The following GSE1 variants were observed in gnomAD, a reference collection of about 807,000 sequenced individuals.
GSE1 encodes genetic suppressor element 1.
Under a neutral mutation model 112.6 loss-of-function variants are expected in GSE1, and 32 were observed. The ratio of observed to expected loss-of-function variants is 0.28; its 90% CI spans 0.21 to 0.38. The LOEUF (loss-of-function observed/expected upper bound fraction) is 0.38. Among genes scored for constraint, GSE1 ranks in the 10% least tolerant of loss-of-function variants. The pLI is 1.00. For missense variants in GSE1, 2,348 were observed against 1,699.2 expected (o/e 1.38, Z -6.71); for synonymous variants, 1,115 against 735.6 (o/e 1.52, Z -8.35).
Position 85,304,449 on chromosome 16 carries a change from G to A in GSE1, c.2284-53014G>A, listed in dbSNP as rs570034474. 1.6e-4 allele frequency among the ~76,000 whole-genome samples: 24 copies of A among 152,350 alleles called. No homozygotes were observed. The South Asian group carries it at 4.8e-3, about 30-fold the overall frequency. The stretch of plus-strand genomic sequence containing the variant: ...CTCCTGGGCATTGTGGGTGAGGCAG[G>A]GTAGCCCGCCCGCCAGGGGCAGTGC... On this transcript the variant is annotated intron_variant, in intron 1 of 2. Transcript: ENST00000637419.
intron 1 of GSE1, among the ~76,000 whole-genome samples, chr16:85,239,788 T>A (rs1258849105): frequency 1.3e-5 from 2 of 152,196 alleles, no homozygotes; most frequent in East Asian, 3.9e-4. Flanking sequence ...TCAATAGAAA[T>A]CTCTTCTCCA....
chr16:85,477,142 G>A (rs1398139963), intron 2 of GSE1, among the ~76,000 whole-genome samples: 1 of 152,096 alleles, frequency 6.6e-6, no homozygotes, highest in Non-Finnish European at 1.5e-5. Context: ...TGGCCAGGGT[G>A]GTCGGGTGAT....
At chr16:85,350,391 G>C (rs1438672240) in intron 1 of GSE1, among the ~76,000 whole-genome samples, 1 of 152,126 alleles carries the variant, frequency 6.6e-6, no homozygotes. Flanking sequence ...GGTGAGCCCT[G>C]TTCTCCTGAC....
At chr16:85,612,298 C>T (rs976355558), upstream of GSE1, among the ~76,000 whole-genome samples, 1 of 152,020 alleles carries the variant, frequency 6.6e-6, no homozygotes, top group Admixed American at 6.5e-5. Flanking sequence ...AGGCTGGGGC[C>T]TTCAGTCCCT....
At chr16:85,253,036 G>A (rs1351151873) in intron 1 of GSE1, among the ~76,000 whole-genome samples, 1 of 140,898 alleles carries the variant, frequency 7.1e-6, no homozygotes, top group Non-Finnish European at 1.5e-5. Flanking sequence ...CAGCCAGGCG[G>A]CTCCAGCTCA....
intron 1 of GSE1, among the ~76,000 whole-genome samples, chr16:85,560,238 C>T (rs910762667): frequency 4.0e-5 from 6 of 149,546 alleles, no homozygotes; most frequent in Non-Finnish European, 7.4e-5. Flanking sequence ...CGGGTTCAAG[C>T]GATTGTCCTG....
intron 13 of GSE1, chr16:85,666,737 CAG>C (rs1158844281): frequency 1.3e-5 from 3 of 230,570 alleles, no homozygotes; most frequent in South Asian, 5.4e-5. Context: ...TTTTTCAAGA[CAG>C]AGATGCAGAT....
At chr16:85,560,415 A>G (rs1273051866) in intron 1 of GSE1, among the ~76,000 whole-genome samples, 2 of 151,918 alleles carry the variant, frequency 1.3e-5, no homozygotes, top group Admixed American at 1.3e-4. Context: ...GAGCCACCGC[A>G]CCTGGCCAAG....
At chr16:85,521,346 G>A (rs557702084) in intron 2 of GSE1, among the ~76,000 whole-genome samples, 8 of 152,314 alleles carry the variant, frequency 5.3e-5, no homozygotes, top group Non-Finnish European at 8.8e-5. Context: ...GGAGCTCAGA[G>A]CAAACTTGTG....
chr16:85,662,782 T>A (rs2052538567), intron 9 of GSE1, 199 bp from the exon 10 acceptor site: 2 of 549,790 alleles, frequency 3.6e-6, no homozygotes, highest in Middle Eastern at 4.6e-4. Context: ...CAGGGAAGCC[T>A]GGTGTCTGCG....
intron 1 of GSE1, among the ~76,000 whole-genome samples, chr16:85,216,166 C>G (rs1414384548): frequency 6.6e-6 from 1 of 152,236 alleles, no homozygotes; most frequent in Non-Finnish European, 1.5e-5. Flanking sequence ...ATTCCGACCC[C>G]TTAAAGGGCT....
chr16:85,333,535 C>T (rs1166521864), intron 1 of GSE1, among the ~76,000 whole-genome samples: 1 of 152,260 alleles, frequency 6.6e-6, no homozygotes, highest in African/African-American at 2.4e-5. Flanking sequence ...GGGTCAGGTG[C>T]CTGAGGCCAG....
At chr16:85,602,402 A>G (rs879944270) in intron 1 of GSE1, among the ~76,000 whole-genome samples, 1 of 152,106 alleles carries the variant, frequency 6.6e-6, no homozygotes, top group Admixed American at 6.5e-5. Flanking sequence ...AAAAGTTTCT[A>G]AGGATCCCTG....
At chr16:85,407,304 C>CT (rs2048324981) in intron 2 of GSE1, among the ~76,000 whole-genome samples, 1 of 50,828 alleles carries the variant, frequency 2.0e-5, no homozygotes, top group Non-Finnish European at 3.4e-5. Flanking sequence ...ACTCAGGCCC[C>CT]CCGGATAATC....
At chr16:85,320,536 C>T (rs951625168) in intron 1 of GSE1, among the ~76,000 whole-genome samples, 4 of 152,122 alleles carry the variant, frequency 2.6e-5, no homozygotes, top group Non-Finnish European at 5.9e-5. Context: ...CTCAAGTGAT[C>T]CTTCCACCTC....
Position 85,569,775 on chromosome 16 carries a change from G to A in GSE1, c.37+13412G>A, listed in dbSNP as rs141065097. Among the ~76,000 whole-genome samples the A allele has an allele frequency of 7.3e-3, 1,116 of 152,322 alleles. 4 individuals carry two copies. Among genetic ancestry groups the A allele is most frequent in the Non-Finnish European group, 0.011 (769 of 68,028 alleles). The stretch of plus-strand genomic sequence containing the variant: ...TTACTACACTGTGGCCGTGGCGTGC[G>A]TTGGGGAAAGCCTCTGCACTGCATC... On this transcript the variant is annotated intron_variant, in intron 1 of 2. Transcript: ENST00000635906.
chr16:85,476,925 CTTTTTTT>C (rs55732128), intron 2 of GSE1, among the ~76,000 whole-genome samples: 2 of 117,808 alleles, frequency 1.7e-5, no homozygotes, highest in African/African-American at 3.3e-5. Flanking sequence ...GTATGTGGTT[CTTTTTTT>C]TTTTTTTTTT....
intron 2 of GSE1, among the ~76,000 whole-genome samples, chr16:85,370,482 G>T (rs528942461): frequency 1.3e-5 from 2 of 152,298 alleles, no homozygotes; most frequent in African/African-American, 4.8e-5. Flanking sequence ...GGGAGGAGGC[G>T]CACTACTTGA....
At chr16:85,276,573 C>T (rs1360670986) in intron 1 of GSE1, among the ~76,000 whole-genome samples, 2 of 152,198 alleles carry the variant, frequency 1.3e-5, no homozygotes, top group African/African-American at 4.8e-5. Context: ...ATGTTTAATC[C>T]AGAAAGGGCC....
Sources: allele counts gnomAD v4.1 joint callset (sites outside exome capture counted in the v4.1 genomes callset), GRCh38; gene constraint gnomAD v4.1.1; transcripts MANE v1.5; gene names NCBI Gene and HGNC (gene_info 2026-07-23, HGNC 2026-07-21).